The following TAF4B variants were observed in gnomAD, a reference collection of about 807,000 sequenced individuals.
TAF4B encodes transcription initiation factor TFIID subunit 4B.
TAF4B carries 38 observed loss-of-function variants against 86.4 expected under a neutral mutation model. The observed-to-expected ratio is 0.44, with a 90% CI of 0.34 to 0.58. The LOEUF is 0.58. TAF4B is among the 20% of genes least tolerant of loss of function. TAF4B has a pLI of 0.02. For synonymous variants in TAF4B, 388 were observed against 391.2 expected (o/e 0.99, Z 0.10); for missense variants, 988 against 1,027.6 (o/e 0.96, Z 0.53).
At chr18:26,239,769 G>A (rs976619501) in intron 1 of TAF4B, among the ~76,000 whole-genome samples, 3 of 152,140 alleles carry the variant, frequency 2.0e-5, no homozygotes, top group African/African-American at 7.2e-5. Flanking sequence ...TTTATATAAG[G>A]TGTAAGGAAG....
chr18:26,335,163 T>G lies in TAF4B; in HGVS notation c.2260-12T>G. On this transcript the variant is annotated splice_polypyrimidine_tract_variant and intron_variant, in intron 12 of 14. Transcript: ENST00000269142. ...TAGTAATTTCTATTAAAATTTTCTT[T>G]TCCTTTGATAGAGTCGTTCTAATAA... 2 of 1,606,720 alleles carry G rather than the reference T, an allele frequency of 1.2e-6. No individual in the cohort carries two copies. The highest frequency in any genetic ancestry group is 1.7e-6 in the Non-Finnish European group (2 of 1,174,250).
intron 1 of TAF4B, among the ~76,000 whole-genome samples, chr18:26,244,543 C>T (rs967016271): frequency 4.6e-5 from 7 of 152,118 alleles, no homozygotes; most frequent in African/African-American, 9.7e-5. Context: ...GCGATGCCCC[C>T]GCAGCTTTGG....
At chr18:26,286,612 A>C in intron 7 of TAF4B, 113 bp downstream of exon 7, 1 of 1,163,826 alleles carries the variant, frequency 8.6e-7, no homozygotes, top group Non-Finnish European at 1.1e-6. Flanking sequence ...TACGGGTTTG[A>C]CCAATTAATT....
At chr18:26,242,701 A>C (rs2055859234) in intron 1 of TAF4B, among the ~76,000 whole-genome samples, 1 of 152,130 alleles carries the variant, frequency 6.6e-6, no homozygotes, top group Non-Finnish European at 1.5e-5. Flanking sequence ...ACAATTTGGC[A>C]TGTTTTTGCA....
intron 1 of TAF4B, among the ~76,000 whole-genome samples, chr18:26,241,319 G>A (rs1331338013): frequency 1.3e-5 from 2 of 152,174 alleles, no homozygotes; most frequent in Admixed American, 6.5e-5. Flanking sequence ...TTGGGAGGGT[G>A]TATGTGTCCA....
chr18:26,311,735 G>C (rs2056856014), intron 9 of TAF4B, among the ~76,000 whole-genome samples: 1 of 152,182 alleles, frequency 6.6e-6, no homozygotes, highest in Non-Finnish European at 1.5e-5. Context: ...AAGGAAGGGG[G>C]AAGAGTGCTA....
intron 14 of TAF4B, among the ~76,000 whole-genome samples, chr18:26,379,954 A>G (rs973224981): frequency 6.6e-6 from 1 of 152,022 alleles, no homozygotes; most frequent in Admixed American, 6.6e-5. Context: ...ATACTTTCCA[A>G]TTGTTTGTTG....
At chr18:26,275,345 G>A (rs558924989) in intron 5 of TAF4B, among the ~76,000 whole-genome samples, 5 of 152,122 alleles carry the variant, frequency 3.3e-5, no homozygotes, top group African/African-American at 9.6e-5. Flanking sequence ...TAGTAGAGAC[G>A]GGGTTTTGCC....
At chr18:26,298,687 C>T (rs963971989) in intron 9 of TAF4B, among the ~76,000 whole-genome samples, 3 of 151,922 alleles carry the variant, frequency 2.0e-5, no homozygotes. Context: ...TGTACATTAC[C>T]ATGCCCAAGT....
At chr18:26,253,138 C>G (rs2056031014) in intron 1 of TAF4B, among the ~76,000 whole-genome samples, 1 of 152,158 alleles carries the variant, frequency 6.6e-6, no homozygotes, top group Non-Finnish European at 1.5e-5. Flanking sequence ...CATCCTTCAT[C>G]TTAGATATCC....
intron 12 of TAF4B, among the ~76,000 whole-genome samples, chr18:26,334,221 C>T (rs1172607178): frequency 6.6e-6 from 1 of 151,968 alleles, no homozygotes; most frequent in Non-Finnish European, 1.5e-5. Flanking sequence ...AATTAGTAGG[C>T]ACTCAAATTT....
chr18:26,371,562 G>A (rs1048393949), intron 14 of TAF4B, among the ~76,000 whole-genome samples: 1 of 152,170 alleles, frequency 6.6e-6, no homozygotes, highest in African/African-American at 2.4e-5. Flanking sequence ...TGTGATTACC[G>A]TAATGGTCAG....
At chr18:26,232,733 T>G (rs962385812) in intron 1 of TAF4B, among the ~76,000 whole-genome samples, 1 of 152,134 alleles carries the variant, frequency 6.6e-6, no homozygotes, top group African/African-American at 2.4e-5. Context: ...AGTGAGGAGG[T>G]CTAGGCCTCA....
intron 1 of TAF4B, among the ~76,000 whole-genome samples, chr18:26,250,223 C>A (rs1259211782): frequency 6.6e-6 from 1 of 151,946 alleles, no homozygotes; most frequent in African/African-American, 2.4e-5. Flanking sequence ...TTGTGCTGGG[C>A]GCGGTGGCTC....
intron 14 of TAF4B, among the ~76,000 whole-genome samples, chr18:26,380,126 A>T (rs1024735885): frequency 6.6e-6 from 1 of 151,956 alleles, no homozygotes; most frequent in Non-Finnish European, 1.5e-5. Flanking sequence ...TTCCTTTCCA[A>T]TCTTTATGCT....
intron 14 of TAF4B, among the ~76,000 whole-genome samples, chr18:26,386,738 G>A (rs1231201577): frequency 6.6e-6 from 1 of 152,102 alleles, no homozygotes; most frequent in Admixed American, 6.6e-5. Flanking sequence ...CGTTATTGCT[G>A]TGTATTATTC....
intron 13 of TAF4B, 73 bp downstream of exon 13, chr18:26,335,304 T>A: frequency 7.4e-7 from 1 of 1,349,124 alleles, no homozygotes; most frequent in Non-Finnish European, 1.1e-6. Context: ...GGCAATTAGG[T>A]CAGGGTTTAT....
chr18:26,361,111 A>G (rs1451557054), intron 14 of TAF4B, among the ~76,000 whole-genome samples: 2 of 151,872 alleles, frequency 1.3e-5, no homozygotes, highest in Non-Finnish European at 2.9e-5. Flanking sequence ...TACGTGTATA[A>G]TTAAGTAGTG....
chr18:26,282,182 C>T, intron 6 of TAF4B, 122 bp downstream of exon 6: 2 of 773,984 alleles, frequency 2.6e-6, no homozygotes, highest in Non-Finnish European at 4.2e-6. Flanking sequence ...TGGGAGAAAC[C>T]TCTGAGTGCT....
Sources: gnomAD v4.1 joint callset for allele counts (sites outside exome capture counted in the v4.1 genomes callset) on GRCh38, gnomAD v4.1.1 for gene constraint, MANE v1.5 for transcripts, NCBI Gene and HGNC (gene_info 2026-07-23, HGNC 2026-07-21) for gene names.